The following ITPKB variants were observed in gnomAD, a reference collection of about 807,000 sequenced individuals.
ITPKB encodes IP3 3-kinase B.
A neutral mutation model predicts 69.4 loss-of-function variants in ITPKB; 13 were observed. That is an observed-to-expected ratio of 0.19 (90% CI 0.12 to 0.30). The LOEUF is 0.30. Among genes scored for constraint, ITPKB ranks in the 10% least tolerant of loss-of-function variants. The pLI is 1.00. For missense variants in ITPKB, 1,240 were observed against 1,250.5 expected, an observed-to-expected ratio of 0.99 and a Z score of 0.13; for synonymous variants, 584 against 513.7, an observed-to-expected ratio of 1.14 and a Z score of -1.85.
chr1:226,660,609 A>C (rs952757974), intron 2 of ITPKB, among the ~76,000 whole-genome samples: 1 of 152,216 alleles, frequency 6.6e-6, no homozygotes, highest in Non-Finnish European at 1.5e-5. Flanking sequence ...GAGAGGAAGA[A>C]GGCACAGGAA....
Position 226,735,902 on chromosome 1 carries a change from A to G in ITPKB, c.1557T>C (p.Ala519=). The change falls in exon 2 of 8, where the codon GCT becomes GCC. Residue 519 remains alanine (A), a synonymous_variant. Coordinates refer to ENST00000429204, the MANE Select transcript of ITPKB (RefSeq NM_002221.4). ...ATTGCACCCCTGTGCCACGCGTCCAAGCCAAACCGGCTTTCTCCATGGTGC... is the reference window on the plus strand; with the variant it reads ...ATTGCACCCCTGTGCCACGCGTCCAGGCCAAACCGGCTTTCTCCATGGTGC... The part of the protein sequence containing the change: ...WQGTMEKAGL[A]WTRGTGVQSE... 1 of 1,613,508 alleles carries G rather than the reference A, an allele frequency of 6.2e-7. No individual in the cohort carries two copies. The highest frequency in any genetic ancestry group is 8.5e-7 in the Non-Finnish European group (1 of 1,179,558).
chr1:226,664,728 G>A (rs963052393), intron 2 of ITPKB, among the ~76,000 whole-genome samples: 1 of 152,192 alleles, frequency 6.6e-6, no homozygotes, highest in Non-Finnish European at 1.5e-5. Flanking sequence ...TCAGGCAGTC[G>A]TCATTTGAAT....
intron 2 of ITPKB, among the ~76,000 whole-genome samples, chr1:226,693,125 A>G (rs2102782403): frequency 6.6e-6 from 1 of 152,372 alleles, no homozygotes; most frequent in Non-Finnish European, 1.5e-5. Context: ...AAGGTAGCAC[A>G]TTACAAGAGC....
intron 2 of ITPKB, among the ~76,000 whole-genome samples, chr1:226,718,567 C>T (rs1657152441): frequency 6.6e-6 from 1 of 152,034 alleles, no homozygotes; most frequent in African/African-American, 2.4e-5. Context: ...CCCCCTGCAC[C>T]CCAACCCGGG....
intron 6 of ITPKB, among the ~76,000 whole-genome samples, chr1:226,639,116 G>T (rs1335710613): frequency 6.9e-6 from 1 of 144,342 alleles, no homozygotes; most frequent in African/African-American, 2.6e-5. Context: ...GAAGTGCAAT[G>T]GCAAAATCTC....
chr1:226,689,140 A>G (rs1656285766), intron 2 of ITPKB, among the ~76,000 whole-genome samples: 1 of 152,204 alleles, frequency 6.6e-6, no homozygotes, highest in Admixed American at 6.5e-5. Flanking sequence ...TAAAGTTCCA[A>G]CCAATAATCT....
chr1:226,735,852 C>T lies in ITPKB; in HGVS notation c.1607G>A (p.Arg536Gln), dbSNP rs1249014159. ...ACTTGGGAGGGCATCACTGTCCTGCCGCTGGCTTTCCCAAGTCCCCTCTGA... is the reference window on the plus strand; with the variant it reads ...ACTTGGGAGGGCATCACTGTCCTGCTGCTGGCTTTCCCAAGTCCCCTCTGA... ...VQSEGTWESQRQDSDALPSPE... is the reference protein window; with the variant it reads ...VQSEGTWESQQQDSDALPSPE... Residue 536 changes from arginine to glutamine, a missense_variant, in exon 2 of 8, where the codon CGG becomes CAG. This residue lies in a region of ITPKB where 992 missense variants were observed against 853.8 expected (regional missense o/e 1.16). Coordinates refer to ENST00000429204, the MANE Select transcript of ITPKB (RefSeq NM_002221.4). 17 of 1,607,068 alleles carry T rather than the reference C, an allele frequency of 1.1e-5. No homozygotes were observed. Among genetic ancestry groups the T allele is most frequent in the Admixed American group, 3.3e-5 (2 of 59,840 alleles).
intron 2 of ITPKB, among the ~76,000 whole-genome samples, chr1:226,673,153 C>CT (rs1309549808): frequency 7.2e-5 from 11 of 152,214 alleles, no homozygotes; most frequent in South Asian, 4.1e-4. Flanking sequence ...AGGAGGACTG[C>CT]TTGAGGCCAG....
chr1:226,732,092 T>A (rs1156845971), intron 2 of ITPKB, among the ~76,000 whole-genome samples: 2 of 76,130 alleles, frequency 2.6e-5, no homozygotes, highest in Non-Finnish European at 2.7e-5. Flanking sequence ...ACAACAAAAC[T>A]AGTCAACATC....
At chr1:226,687,646 A>G (rs998095719) in intron 2 of ITPKB, among the ~76,000 whole-genome samples, 1 of 152,228 alleles carries the variant, frequency 6.6e-6, no homozygotes, top group South Asian at 2.1e-4. Flanking sequence ...CTGCAGCCCC[A>G]GCAGTTCCAG....
rs1187285518 is a variant in ITPKB at position 226,739,156 on chromosome 1, T to A, written c.-321A>T. On this transcript the variant is annotated 5_prime_UTR_variant, in exon 1 of 8. Transcript: ENST00000429204. Reference sequence around the variant, plus strand: ...GCTCAGAAATTATTTTCTCACAAGCTATGGAAGACAAAAAAGAGGAGTGCG... The same window carrying A: ...GCTCAGAAATTATTTTCTCACAAGCAATGGAAGACAAAAAAGAGGAGTGCG... 1 of 152,060 alleles carries A rather than the reference T, an allele frequency of 6.6e-6. No homozygotes were observed. Among genetic ancestry groups the A allele is most frequent in the Non-Finnish European group, 1.5e-5 (1 of 68,016 alleles). The allele number at this position is 152,060 out of a possible 1,614,324, so 9.4% of individuals were successfully genotyped here.
At chr1:226,660,538 C>T (rs1558077339) in intron 2 of ITPKB, among the ~76,000 whole-genome samples, 1 of 152,234 alleles carries the variant, frequency 6.6e-6, no homozygotes, top group Non-Finnish European at 1.5e-5. Flanking sequence ...CCCTCCTCCT[C>T]TCTCCTGGAT....
At chr1:226,714,524 A>G (rs1558093969) in intron 2 of ITPKB, among the ~76,000 whole-genome samples, 2 of 152,214 alleles carry the variant, frequency 1.3e-5, no homozygotes, top group Admixed American at 1.3e-4. Flanking sequence ...ACAGCACTGA[A>G]GAGTAAATTA....
At chr1:226,725,055 CACA>C (rs3835712) in intron 2 of ITPKB, among the ~76,000 whole-genome samples, 47,220 of 152,026 alleles carry the variant, frequency 0.31, 7,583 homozygotes, top group East Asian at 0.41. Flanking sequence ...CTCCCTGTTC[CACA>C]ACATGTACTG....
intron 2 of ITPKB, among the ~76,000 whole-genome samples, chr1:226,719,677 A>G (rs115572846): frequency 0.017 from 2,650 of 152,316 alleles, 37 homozygotes; most frequent in Non-Finnish European, 0.025. Flanking sequence ...AACAGCTTGT[A>G]CCTGTTGGAC....
intron 2 of ITPKB, among the ~76,000 whole-genome samples, chr1:226,721,764 G>C (rs889375231): frequency 6.6e-6 from 1 of 151,870 alleles, no homozygotes; most frequent in African/African-American, 2.4e-5. Context: ...CAAAGTGCTG[G>C]GATTACAGGC....
intron 2 of ITPKB, among the ~76,000 whole-genome samples, chr1:226,734,224 G>A (rs1354187065): frequency 2.0e-5 from 3 of 152,210 alleles, no homozygotes; most frequent in Non-Finnish European, 4.4e-5. Flanking sequence ...GCCACAAAAT[G>A]CCAGGCTGAT....
intron 2 of ITPKB, among the ~76,000 whole-genome samples, chr1:226,678,212 G>T (rs1655962297): frequency 6.6e-6 from 1 of 152,128 alleles, no homozygotes; most frequent in Admixed American, 6.6e-5. Flanking sequence ...TTCATGTGAA[G>T]AATTTTACAA....
rs1373178604 is a variant in ITPKB, at chr1:226,634,638, G to A, written c.*33C>T. 4 of 763,258 alleles carry A rather than the reference G, an allele frequency of 5.2e-6. No individual in the cohort carries two copies. The East Asian group carries it at 7.4e-5, about 14-fold the overall frequency. 47.3% of individuals were successfully genotyped at this position (763,258 alleles called of 1,614,324 possible). A position where few individuals can be genotyped will look rare whatever the true frequency, so the allele number is the denominator to read the frequency against. Reference sequence around the variant, plus strand: ...AGGAAGCACAGGAGGAGGAAAGGAGGCCCAGGCGGGGGCCAGGGAGGGCGT... The same window carrying A: ...AGGAAGCACAGGAGGAGGAAAGGAGACCCAGGCGGGGGCCAGGGAGGGCGT... On this transcript the variant is annotated 3_prime_UTR_variant, in exon 8 of 8. Transcript: ENST00000429204. This position sits in a 1 kb window ranked among gnomAD's most constrained non-coding sequence, Gnocchi z 6.3.
Sources: gnomAD v4.1 joint callset for allele counts (sites outside exome capture counted in the v4.1 genomes callset) on GRCh38, gnomAD v4.1.1 for gene constraint, gnomAD v4.1.1 regional missense constraint, Gnocchi (gnomAD v3.1) non-coding constraint, MANE v1.5 for transcripts, NCBI Gene and HGNC (gene_info 2026-07-23, HGNC 2026-07-21) for gene names.